Variants in SEMA3E observed in about 807,000 individuals in gnomAD.
The protein encoded by SEMA3E is semaphorin-3E.
Under a neutral mutation model 93.6 loss-of-function variants are expected in SEMA3E, and 49 were observed. The ratio of observed to expected loss-of-function variants is 0.52; its 90% CI spans 0.42 to 0.66. The LOEUF (loss-of-function observed/expected upper bound fraction) is 0.66. Ranked by LOEUF, SEMA3E falls within the 30% of genes least tolerant of loss-of-function variation. SEMA3E has a pLI of 0.00. For missense variants in SEMA3E, 906 were observed against 964.8 expected, an observed-to-expected ratio of 0.94 and a Z score of 0.81; for synonymous variants, 363 against 330.7, an observed-to-expected ratio of 1.10 and a Z score of -1.06.
chr7:83,461,132 TG>T (rs1234508711), intron 4 of SEMA3E, among the ~76,000 whole-genome samples: 5 of 152,158 alleles, frequency 3.3e-5, no homozygotes, highest in Admixed American at 1.3e-4. Flanking sequence ...AAATAATTCT[TG>T]TCGTAAAATA....
At chr7:83,562,281 T>A (rs891118465) in intron 1 of SEMA3E, among the ~76,000 whole-genome samples, 1 of 152,040 alleles carries the variant, frequency 6.6e-6, no homozygotes, top group African/African-American at 2.4e-5. Context: ...GAGTTTCAAC[T>A]TGAAAATAGA....
chr7:83,552,427 A>C (rs1791784582), intron 1 of SEMA3E, among the ~76,000 whole-genome samples: 1 of 152,164 alleles, frequency 6.6e-6, no homozygotes, highest in Non-Finnish European at 1.5e-5. Context: ...ACAATATGAA[A>C]TCAGTGCACC....
At position 83,366,518 on chromosome 7, in the gene SEMA3E, TTATAG is replaced by T. The variant is rs1794671134; in HGVS notation, c.*1063_*1067del. On this transcript the variant is annotated 3_prime_UTR_variant, in exon 17 of 17. Transcript: ENST00000643230. The stretch of plus-strand genomic sequence containing the variant: ...TTTTTTCACAAATAAAACACGGTTG[TTATAG>T]TATATTTTAGATTTCAGCGAAGATT... 6.6e-6 allele frequency: 1 copy of T among 152,068 alleles called. No homozygotes were observed. Among genetic ancestry groups the T allele is most frequent in the Admixed American group, 6.6e-5 (1 of 15,266 alleles). 9.4% of individuals were successfully genotyped at this position (152,068 alleles called of 1,614,324 possible).
intron 1 of SEMA3E, among the ~76,000 whole-genome samples, chr7:83,642,747 T>C (rs10261232): frequency 0.017 from 2,531 of 152,216 alleles, 65 homozygotes; most frequent in African/African-American, 0.056. Context: ...TACTAACTTA[T>C]GGCCCTGTCT....
chr7:83,423,960 A>G (rs1166091573), intron 4 of SEMA3E, among the ~76,000 whole-genome samples: 3 of 152,212 alleles, frequency 2.0e-5, no homozygotes, highest in Non-Finnish European at 4.4e-5. Flanking sequence ...ACAAAAAATA[A>G]AATGTATGTT....
At chr7:83,415,936 T>C (rs1788530459) in intron 5 of SEMA3E, among the ~76,000 whole-genome samples, 1 of 152,120 alleles carries the variant, frequency 6.6e-6, no homozygotes, top group African/African-American at 2.4e-5. Context: ...GGTCACAAAA[T>C]ACCCATTAAT....
chr7:83,476,734 G>A (rs773772768), intron 2 of SEMA3E, among the ~76,000 whole-genome samples: 3 of 152,090 alleles, frequency 2.0e-5, no homozygotes, highest in Non-Finnish European at 2.9e-5. Flanking sequence ...ATGCCTTTTG[G>A]TTCTGCTCCA....
At chr7:83,455,865 A>G (rs1171328170) in intron 4 of SEMA3E, among the ~76,000 whole-genome samples, 1 of 152,232 alleles carries the variant, frequency 6.6e-6, no homozygotes, top group Non-Finnish European at 1.5e-5. Flanking sequence ...TTACAACTGC[A>G]AGGAAGTGAA....
chr7:83,383,777 T>A (rs1787829151), intron 16 of SEMA3E, among the ~76,000 whole-genome samples: 1 of 151,908 alleles, frequency 6.6e-6, no homozygotes, highest in African/African-American at 2.4e-5. Context: ...TATGGTGAGT[T>A]CCAAATTAGA....
intron 1 of SEMA3E, among the ~76,000 whole-genome samples, chr7:83,643,514 T>C (rs1235124788): frequency 1.3e-5 from 2 of 151,926 alleles, no homozygotes; most frequent in African/African-American, 4.8e-5. Flanking sequence ...GATAACTGTT[T>C]TCCCACTGTA....
rs1562765623 is a variant in SEMA3E at position 83,402,637 on chromosome 7, C to T, written c.1138G>A (p.Gly380Ser). The T allele has an allele frequency of 7.4e-6, 12 of 1,612,002 alleles. No homozygotes were observed. Among genetic ancestry groups the T allele is most frequent in the Non-Finnish European group, 1.0e-5 (12 of 1,178,472 alleles). Residue 380 changes from glycine (G) to serine (S), a missense_variant, in exon 10 of 17, where the codon GGT becomes AGT. Transcript: ENST00000643230. ...TGTTATATAACTAAACTTACAGAACCAGGCCTTGGATAAGGGACTTTTCCT... is the reference window on the plus strand; with the variant it reads ...TGTTATATAACTAAACTTACAGAACTAGGCCTTGGATAAGGGACTTTTCCT... ...YEGKVPYPRP[G>S]SCASKVNGGR... is the part of the protein sequence containing the mutation.
intron 1 of SEMA3E, among the ~76,000 whole-genome samples, chr7:83,573,093 A>G (rs886503788): frequency 4.6e-5 from 7 of 152,164 alleles, no homozygotes; most frequent in African/African-American, 1.7e-4. Context: ...TAGAGTAAAC[A>G]TACAGCCTAC....
intron 10 of SEMA3E, among the ~76,000 whole-genome samples, chr7:83,402,085 T>C (rs985030772): frequency 3.3e-5 from 5 of 152,008 alleles, no homozygotes; most frequent in Admixed American, 3.3e-4. Flanking sequence ...GGCATTTCTT[T>C]CCTAAGGGGC....
intron 1 of SEMA3E, among the ~76,000 whole-genome samples, chr7:83,521,631 G>C (rs1322450946): frequency 6.6e-6 from 1 of 152,128 alleles, no homozygotes; most frequent in Non-Finnish European, 1.5e-5. Context: ...GGAAGTTCAA[G>C]ATCAAGGTGC....
intron 1 of SEMA3E, among the ~76,000 whole-genome samples, chr7:83,548,267 A>C (rs531165062): frequency 6.6e-6 from 1 of 152,206 alleles, no homozygotes; most frequent in South Asian, 2.1e-4. Flanking sequence ...AAAAATATTT[A>C]ATGACTAAGT....
At chr7:83,455,908 A>G (rs2115837271) in intron 4 of SEMA3E, among the ~76,000 whole-genome samples, 1 of 152,268 alleles carries the variant, frequency 6.6e-6, no homozygotes. Flanking sequence ...CCGGAATATG[A>G]CCCTGAGCTC....
intron 1 of SEMA3E, among the ~76,000 whole-genome samples, chr7:83,619,628 A>T (rs1793503296): frequency 6.6e-6 from 1 of 151,882 alleles, no homozygotes; most frequent in African/African-American, 2.4e-5. Context: ...TTAAAAGGAA[A>T]AAAATGACAC....
chr7:83,618,201 T>C (rs1793468905), intron 1 of SEMA3E, among the ~76,000 whole-genome samples: 1 of 152,056 alleles, frequency 6.6e-6, no homozygotes, highest in Admixed American at 6.6e-5. Flanking sequence ...GTTTTAACAA[T>C]GAAGTAGCTA....
At chr7:83,385,186 C>T (rs1240585744) in intron 16 of SEMA3E, 108 bp downstream of exon 16, 2 of 1,162,732 alleles carry the variant, frequency 1.7e-6, no homozygotes, top group African/African-American at 1.5e-5. Flanking sequence ...ATAAGGCATG[C>T]ATAGTACAAC....
Sources: allele counts gnomAD v4.1 joint callset (sites outside exome capture counted in the v4.1 genomes callset), GRCh38; gene constraint gnomAD v4.1.1; transcripts MANE v1.5; gene names NCBI Gene and HGNC (gene_info 2026-07-23, HGNC 2026-07-21).